The following SPIDR variants were observed in gnomAD, a reference collection of about 807,000 sequenced individuals.
SPIDR encodes the protein scaffold protein involved in DNA repair, also known as DNA repair-scaffolding protein.
A neutral mutation model predicts 104.6 loss-of-function variants in SPIDR; 93 were observed. That is an observed-to-expected ratio of 0.89 (90% CI 0.75 to 1.06). SPIDR has a LOEUF of 1.06. SPIDR is among the 50% of genes least tolerant of loss of function. The pLI is 0.00. For synonymous variants in SPIDR, 431 were observed against 416.9 expected, an observed-to-expected ratio of 1.03 and a Z score of -0.41; for missense variants, 1,154 against 1,111.2, an observed-to-expected ratio of 1.04 and a Z score of -0.55.
At chr8:47,389,584 G>C (rs1334649931) in intron 5 of SPIDR, among the ~76,000 whole-genome samples, 11 of 151,306 alleles carry the variant, frequency 7.3e-5, no homozygotes, top group Non-Finnish European at 1.6e-4. Flanking sequence ...AGCTATTCAG[G>C]AGGCTGAGGC....
chr8:47,333,073 C>G (rs2049050625), intron 5 of SPIDR, among the ~76,000 whole-genome samples: 1 of 152,078 alleles, frequency 6.6e-6, no homozygotes, highest in Non-Finnish European at 1.5e-5. Context: ...CACAGACACA[C>G]ACATTAGCCT....
At chr8:47,668,471 TA>T (rs74274281) in intron 10 of SPIDR, among the ~76,000 whole-genome samples, 328 of 144,034 alleles carry the variant, frequency 2.3e-3, no homozygotes, top group Middle Eastern at 7.1e-3. Flanking sequence ...ATTCATGATT[TA>T]AAAAAAAAAA....
intron 5 of SPIDR, chr8:47,361,036 G>A: frequency 2.1e-6 from 2 of 941,368 alleles, no homozygotes; most frequent in South Asian, 9.8e-5. Flanking sequence ...TGATAAAAGT[G>A]TAAAAAATGT....
intron 8 of SPIDR, among the ~76,000 whole-genome samples, chr8:47,579,465 C>A (rs2059485728): frequency 6.6e-6 from 1 of 152,178 alleles, no homozygotes; most frequent in African/African-American, 2.4e-5. Flanking sequence ...TACCAGAAAT[C>A]TGGGTCATGC....
chr8:47,621,618 C>T (rs1210694580), intron 10 of SPIDR, among the ~76,000 whole-genome samples: 1 of 152,242 alleles, frequency 6.6e-6, no homozygotes, highest in Non-Finnish European at 1.5e-5. Flanking sequence ...TGGCACAGAG[C>T]TGTGTGAATA....
chr8:47,600,298 G>A (rs902405190), intron 10 of SPIDR, among the ~76,000 whole-genome samples: 1 of 152,010 alleles, frequency 6.6e-6, no homozygotes. Flanking sequence ...CAGGTCACTT[G>A]AGCCCAGGAG....
intron 4 of SPIDR, 72 bp from the exon 5 acceptor site, chr8:47,293,795 C>A: frequency 1.4e-6 from 2 of 1,439,628 alleles, no homozygotes; most frequent in Non-Finnish European, 1.9e-6. Flanking sequence ...ATATTAACTG[C>A]TAAGAATAAA....
At chr8:47,360,135 G>T (rs552616089) in intron 5 of SPIDR, among the ~76,000 whole-genome samples, 2 of 151,500 alleles carry the variant, frequency 1.3e-5, no homozygotes, top group Non-Finnish European at 2.9e-5. Flanking sequence ...CCAGCTACTC[G>T]GGAGGCTGAG....
At position 47,707,993 on chromosome 8, in the gene SPIDR, C is replaced by A. The variant is rs1055472743; in HGVS notation, c.1978-4669C>A. Among the ~76,000 whole-genome samples the A allele has an allele frequency of 3.3e-5, 5 of 152,182 alleles. 1 individual carries two copies. The East Asian group carries it at 9.6e-4, about 29-fold the overall frequency. ...TTACTAGCATTATAGGTGTCTATAT[C>A]ATCTATGCTTAAATACTTTTCCTGG... On this transcript the variant is annotated intron_variant, in intron 14 of 19. Coordinates refer to ENST00000297423, the MANE Select transcript of SPIDR (RefSeq NM_001080394.4).
At chr8:47,364,869 G>C (rs2056884635) in intron 5 of SPIDR, among the ~76,000 whole-genome samples, 1 of 152,126 alleles carries the variant, frequency 6.6e-6, no homozygotes, top group Non-Finnish European at 1.5e-5. Flanking sequence ...GACTTTCCCT[G>C]CATGCATGGA....
At chr8:47,390,590 T>TAA (rs57154421) in intron 5 of SPIDR, among the ~76,000 whole-genome samples, 7 of 138,166 alleles carry the variant, frequency 5.1e-5, no homozygotes, top group Non-Finnish European at 6.3e-5. Flanking sequence ...ACCATACCAT[T>TAA]AAAAAAAAAA....
chr8:47,697,219 G>C (rs901212520), intron 11 of SPIDR, among the ~76,000 whole-genome samples: 2 of 151,756 alleles, frequency 1.3e-5, no homozygotes, highest in Non-Finnish European at 2.9e-5. Context: ...AACAGCCGTA[G>C]GGTTGGCCTC....
At chr8:47,566,983 C>CTAA (rs1191563113) in intron 8 of SPIDR, among the ~76,000 whole-genome samples, 1 of 152,046 alleles carries the variant, frequency 6.6e-6, no homozygotes, top group Non-Finnish European at 1.5e-5. Context: ...TGGTCAAACT[C>CTAA]TAATATATAT....
At chr8:47,272,211 C>T (rs2035480901) in intron 1 of SPIDR, among the ~76,000 whole-genome samples, 1 of 152,160 alleles carries the variant, frequency 6.6e-6, no homozygotes, top group South Asian at 2.1e-4. Context: ...GGGTGATACA[C>T]CTGCCTTGGC....
chr8:47,516,443 C>A (rs765613780), intron 8 of SPIDR, among the ~76,000 whole-genome samples: 13 of 152,134 alleles, frequency 8.5e-5, no homozygotes, highest in Non-Finnish European at 1.6e-4. Flanking sequence ...TCCTTCTCCC[C>A]ACAAGTCCCT....
chr8:47,590,690 C>T (rs2060900564), intron 8 of SPIDR, among the ~76,000 whole-genome samples: 6 of 152,076 alleles, frequency 3.9e-5, no homozygotes, highest in Admixed American at 3.9e-4. Context: ...GTGTTGTGCT[C>T]TTCTGTATTC....
intron 8 of SPIDR, among the ~76,000 whole-genome samples, chr8:47,488,634 A>G (rs2078120372): frequency 6.6e-6 from 1 of 152,220 alleles, no homozygotes; most frequent in South Asian, 2.1e-4. Flanking sequence ...GCAGCAGCCC[A>G]TCAAAAAGCT....
Position 47,710,397 on chromosome 8 carries a change from A to C in SPIDR, c.1978-2265A>C, listed in dbSNP as rs184552065. ...AAAGTATTTACAAAGAGCATATAAA[A>C]TCTTTGGAGGTTGTCAGAACTCCCA... On this transcript the variant is annotated intron_variant, in intron 14 of 19. Coordinates refer to ENST00000297423, the MANE Select transcript of SPIDR (RefSeq NM_001080394.4). 4.4e-3 allele frequency among the ~76,000 whole-genome samples: 673 copies of C among 152,236 alleles called. 4 individuals carry two copies. The highest frequency in any genetic ancestry group is 6.6e-3 in the Non-Finnish European group (449 of 68,012).
chr8:47,487,922 A>C (rs1007618813), intron 8 of SPIDR, among the ~76,000 whole-genome samples: 2 of 152,196 alleles, frequency 1.3e-5, no homozygotes, highest in Non-Finnish European at 2.9e-5. Flanking sequence ...TAAAATTGAC[A>C]CCCTAACATC....
Sources: allele counts gnomAD v4.1 joint callset (sites outside exome capture counted in the v4.1 genomes callset), GRCh38; gene constraint gnomAD v4.1.1; transcripts MANE v1.5; gene names NCBI Gene and HGNC (gene_info 2026-07-23, HGNC 2026-07-21).